MEIG1: variants seen among roughly 807,000 people sequenced by gnomAD.
MEIG1 encodes the protein meiosis/spermiogenesis associated 1.
Under a neutral mutation model 11.3 loss-of-function variants are expected in MEIG1, and 12 were observed. The ratio of observed to expected loss-of-function variants is 1.07; its 90% CI spans 0.68 to 1.73. MEIG1 has a LOEUF of 1.73. Among genes scored for constraint, MEIG1 ranks in the 40% most tolerant of loss-of-function variants. MEIG1 has a pLI of 0.00. For synonymous variants in MEIG1, 41 were observed against 33.2 expected (o/e 1.24, Z -0.81); for missense variants, 119 against 104.9 (o/e 1.13, Z -0.59).
chr10:14,961,182 A>G (rs752664087), intron 1 of MEIG1, among the ~76,000 whole-genome samples: 11 of 152,244 alleles, frequency 7.2e-5, no homozygotes, highest in Non-Finnish European at 1.6e-4. Flanking sequence ...GCAGTTGGGC[A>G]ACATCATCTA....
chr10:14,968,485 C>G (rs1843113262), intron 2 of MEIG1, among the ~76,000 whole-genome samples: 1 of 151,888 alleles, frequency 6.6e-6, no homozygotes, highest in African/African-American at 2.4e-5. Context: ...GAAACCCCAT[C>G]TCAAATAAAT....
intron 2 of MEIG1, chr10:14,987,479 G>T: frequency 1.4e-6 from 1 of 713,608 alleles, no homozygotes; most frequent in Admixed American, 2.0e-5. Context: ...AAGAGGATTG[G>T]AAAATAAAAG....
At position 14,987,135 on chromosome 10, in the gene MEIG1, G is replaced by A. The variant is rs1171223182; in HGVS notation, n.285+121G>A. 4 of 848,832 alleles carry A rather than the reference G, an allele frequency of 4.7e-6. No individual in the cohort carries two copies. The East Asian group carries it at 1.7e-4, about 36-fold the overall frequency. 52.6% of individuals were successfully genotyped at this position (848,832 alleles called of 1,614,324 possible). On this transcript the variant is annotated intron_variant and non_coding_transcript_variant, in intron 2 of 2. Transcript: ENST00000467536. ...CAAAAAAGGACCAAGAAAGACATCT[G>A]TGTCAGGCAGCCCGCATGAGAGATG...
intron 1 of MEIG1, among the ~76,000 whole-genome samples, chr10:14,979,608 T>G (rs1843244901): frequency 6.6e-6 from 1 of 152,022 alleles, no homozygotes; most frequent in South Asian, 2.1e-4. Context: ...CCTGGGATCT[T>G]ATTTGTAATA....
At chr10:14,979,566 A>T (rs1001112117) in intron 1 of MEIG1, among the ~76,000 whole-genome samples, 2 of 151,728 alleles carry the variant, frequency 1.3e-5, no homozygotes, top group Admixed American at 6.6e-5. Flanking sequence ...TTCTAGCGGG[A>T]TTTTACTTTT....
At chr10:14,965,324 AAAC>A (rs1843067440) in intron 1 of MEIG1, among the ~76,000 whole-genome samples, 2 of 152,352 alleles carry the variant, frequency 1.3e-5, no homozygotes, top group Middle Eastern at 3.4e-3. Context: ...GTAGCTGAGA[AAAC>A]AAGTGTAAGA....
chr10:14,956,408 G>A (rs547807632), upstream of MEIG1, among the ~76,000 whole-genome samples: 19 of 133,366 alleles, frequency 1.4e-4, no homozygotes, highest in South Asian at 2.6e-4. Context: ...GGGAAACCCC[G>A]TCTCTACTAA....
At chr10:14,986,555 C>A (rs985152011) in intron 1 of MEIG1, among the ~76,000 whole-genome samples, 1 of 152,168 alleles carries the variant, frequency 6.6e-6, no homozygotes, top group Admixed American at 6.5e-5. Context: ...CCATCCCATC[C>A]CTTTTCTTCG....
chr10:14,963,807 A>G (rs1387529846), intron 1 of MEIG1, among the ~76,000 whole-genome samples: 1 of 152,202 alleles, frequency 6.6e-6, no homozygotes. Context: ...TACTAAAAAT[A>G]TAAAAATTTG....
intron 2 of MEIG1, among the ~76,000 whole-genome samples, chr10:14,972,016 CTTTT>C (rs752832334): frequency 2.1e-4 from 30 of 143,152 alleles, no homozygotes; most frequent in African/African-American, 6.9e-4. Context: ...AATTAGTTGT[CTTTT>C]TTTTTTTTTT....
intron 2 of MEIG1, among the ~76,000 whole-genome samples, chr10:14,967,981 G>A (rs929233242): frequency 6.6e-6 from 1 of 152,058 alleles, no homozygotes; most frequent in Non-Finnish European, 1.5e-5. Flanking sequence ...TTGGTCAAGG[G>A]TCAACTGTAT....
chr10:14,961,201 C>A (rs969602278), intron 1 of MEIG1, among the ~76,000 whole-genome samples: 2 of 152,140 alleles, frequency 1.3e-5, no homozygotes, highest in Non-Finnish European at 2.9e-5. Flanking sequence ...TAACACAAAG[C>A]CTATTTTATA....
downstream of MEIG1, among the ~76,000 whole-genome samples, chr10:14,975,612 G>C (rs1445827361): frequency 6.6e-6 from 1 of 152,038 alleles, no homozygotes; most frequent in Non-Finnish European, 1.5e-5. Context: ...GGGCGGGGGA[G>C]GATAATATTC....
chr10:14,975,346 C>T (rs1843198852), downstream of MEIG1, among the ~76,000 whole-genome samples: 1 of 152,058 alleles, frequency 6.6e-6, no homozygotes, highest in South Asian at 2.1e-4. Context: ...GGTGTACACC[C>T]ATCCTGGGAT....
chr10:14,982,168 A>C (rs923831635), intron 1 of MEIG1, among the ~76,000 whole-genome samples: 15 of 152,050 alleles, frequency 9.9e-5, no homozygotes, highest in Non-Finnish European at 2.1e-4. Flanking sequence ...ATTGTGCTGG[A>C]CTTTCTTCTT....
At position 14,986,096 on chromosome 10, in the gene MEIG1, T is replaced by C. The variant is rs529165774; in HGVS notation, n.67-700T>C. ...TTTTATATCCTAGGGAGGTATTAAT[T>C]CTAATATCACAGTGGGTCTTCACCC... On this transcript the variant is annotated intron_variant and non_coding_transcript_variant, in intron 1 of 2. Coordinates refer to the MEIG1 transcript ENST00000467536. Among the ~76,000 whole-genome samples, 183 of 152,318 alleles carry C rather than the reference T, an allele frequency of 1.2e-3. 1 individual carries two copies. The highest frequency in any genetic ancestry group is 0.01 in the Middle Eastern group (3 of 294).
intron 1 of MEIG1, among the ~76,000 whole-genome samples, chr10:14,983,845 C>T (rs1188435488): frequency 1.3e-5 from 2 of 152,032 alleles, no homozygotes; most frequent in Admixed American, 6.5e-5. Flanking sequence ...AGAAAGCGTG[C>T]ACCACCCCAG....
intron 1 of MEIG1, among the ~76,000 whole-genome samples, chr10:14,979,801 T>G (rs2131281610): frequency 6.6e-6 from 1 of 152,206 alleles, no homozygotes; most frequent in East Asian, 1.9e-4. Context: ...GTGTACACCC[T>G]GTGATATTAT....
In MEIG1 at chr10:14,983,925, C is replaced by T. The variant is rs141767532; in HGVS notation, n.67-2871C>T. Among the ~76,000 whole-genome samples, 599 of 152,020 alleles carry T rather than the reference C, an allele frequency of 3.9e-3. 1 individual carries two copies. The highest frequency in any genetic ancestry group is 0.014 in the Middle Eastern group (4 of 294). On this transcript the variant is annotated intron_variant and non_coding_transcript_variant, in intron 1 of 2. Transcript: ENST00000467536. ...TTCAATATCGCATGGGGTGGACATG[C>T]CCCCAGTGATATTGTTCCTAATGTC...
Sources: allele counts gnomAD v4.1 joint callset (sites outside exome capture counted in the v4.1 genomes callset), GRCh38; gene constraint gnomAD v4.1.1; transcripts MANE v1.5; gene names NCBI Gene and HGNC (gene_info 2026-07-23, HGNC 2026-07-21).